BABAM2: variants seen among roughly 807,000 people sequenced by gnomAD.
BABAM2 encodes BRISC and BRCA1 A complex member 2, also known as BRISC and BRCA1-A complex member 2.
A neutral mutation model predicts 54.7 loss-of-function variants in BABAM2; 31 were observed. The ratio of observed to expected loss-of-function variants is 0.57; its 90% confidence interval spans 0.43 to 0.77. The LOEUF (loss-of-function observed/expected upper bound fraction) is 0.77, where lower values mean the gene tolerates loss of function less well. BABAM2 is among the 30% of genes least tolerant of loss of function. The pLI is 0.00. For missense variants in BABAM2, 364 were observed against 455.8 expected, an observed-to-expected ratio of 0.80 and a Z score of 1.83; for synonymous variants, 167 against 162.9, an observed-to-expected ratio of 1.03 and a Z score of -0.19.
chr2:28,254,337 A>G lies in BABAM2; in HGVS notation c.934+9475A>G, dbSNP rs187843891. 3.1e-3 allele frequency among the ~76,000 whole-genome samples: 465 copies of G among 152,200 alleles called. 5 individuals carry two copies. Among genetic ancestry groups the G allele is most frequent in the Non-Finnish European group, 4.7e-3 (323 of 68,012 alleles). On this transcript the variant is annotated intron_variant, in intron 10 of 11. Transcript: ENST00000379624. Reference sequence around the variant, plus strand: ...TTTTTTGTAGATACGGTGTTTGACTATGTTGGCCAGGCTGGTCTCGAACTC... The same window carrying G: ...TTTTTTGTAGATACGGTGTTTGACTGTGTTGGCCAGGCTGGTCTCGAACTC...
chr2:28,259,074 CTTT>C (rs70956009), intron 10 of BABAM2, among the ~76,000 whole-genome samples: 1 of 23,442 alleles, frequency 4.3e-5, no homozygotes, highest in African/African-American at 1.8e-4. Context: ...TGCACCTGGC[CTTT>C]TTTTTTTTTT....
At chr2:28,050,130 G>A (rs2148619506) in intron 6 of BABAM2, among the ~76,000 whole-genome samples, 1 of 152,322 alleles carries the variant, frequency 6.6e-6, no homozygotes, top group South Asian at 2.1e-4. Context: ...GATAATTTGG[G>A]ACTGGTGTTG....
chr2:28,123,333 G>A (rs1669237219), intron 6 of BABAM2, among the ~76,000 whole-genome samples: 1 of 152,166 alleles, frequency 6.6e-6, no homozygotes, highest in African/African-American at 2.4e-5. Flanking sequence ...TACCGTACGT[G>A]TGTCAGTGCC....
At chr2:28,072,240 T>A (rs1327809477) in intron 6 of BABAM2, among the ~76,000 whole-genome samples, 1 of 152,078 alleles carries the variant, frequency 6.6e-6, no homozygotes, top group African/African-American at 2.4e-5. Context: ...TGGCGCCATC[T>A]TGGCTTACTG....
chr2:28,302,192 G>C (rs951354829), intron 11 of BABAM2, among the ~76,000 whole-genome samples: 3 of 152,074 alleles, frequency 2.0e-5, no homozygotes, highest in Admixed American at 2.0e-4. Flanking sequence ...TGAAGCGGGC[G>C]GATCACCTGA....
At chr2:27,998,423 G>T (rs193024462) in intron 4 of BABAM2, among the ~76,000 whole-genome samples, 4 of 151,848 alleles carry the variant, frequency 2.6e-5, no homozygotes, top group African/African-American at 7.2e-5. Flanking sequence ...TTTTATTTCC[G>T]GTGTTTTTCT....
chr2:28,189,335 A>G (rs1470019987), intron 7 of BABAM2, among the ~76,000 whole-genome samples: 1 of 152,244 alleles, frequency 6.6e-6, no homozygotes, highest in Non-Finnish European at 1.5e-5. Context: ...ATGTACAAGA[A>G]AGAATTAAAG....
intron 3 of BABAM2, among the ~76,000 whole-genome samples, chr2:27,944,235 G>A (rs566991858): frequency 1.3e-5 from 2 of 152,196 alleles, no homozygotes; most frequent in East Asian, 3.9e-4. Flanking sequence ...TTGAGGTAGT[G>A]TAATTTACAT....
At chr2:28,084,782 C>T (rs771789661) in intron 6 of BABAM2, among the ~76,000 whole-genome samples, 3 of 152,076 alleles carry the variant, frequency 2.0e-5, no homozygotes, top group Non-Finnish European at 4.4e-5. Context: ...CCTGAGGAGC[C>T]CTTCTGCCTT....
chr2:28,143,828 T>C (rs1671268601), intron 7 of BABAM2, among the ~76,000 whole-genome samples: 1 of 152,166 alleles, frequency 6.6e-6, no homozygotes, highest in Admixed American at 6.6e-5. Flanking sequence ...GTTGCCCCCA[T>C]TTTATGGTGA....
At chr2:28,217,837 A>G (rs1680053183) in intron 7 of BABAM2, among the ~76,000 whole-genome samples, 1 of 152,230 alleles carries the variant, frequency 6.6e-6, no homozygotes, top group Admixed American at 6.5e-5. Flanking sequence ...ATTGAAAAAA[A>G]TCACCTAGCC....
chr2:28,035,162 CT>C (rs970930879), intron 5 of BABAM2, among the ~76,000 whole-genome samples: 3 of 152,012 alleles, frequency 2.0e-5, no homozygotes, highest in Admixed American at 6.6e-5. Context: ...TTTCACCTGT[CT>C]TTTTTTGCCT....
rs187488999 is a variant in BABAM2 at position 27,960,074 on chromosome 2, C to G, written c.206-27919C>G. Among the ~76,000 whole-genome samples the G allele has an allele frequency of 2.0e-5, 3 of 152,138 alleles. No homozygotes were observed. The East Asian group carries it at 5.8e-4, about 29-fold the overall frequency. On this transcript the variant is annotated intron_variant, in intron 3 of 11. Coordinates refer to ENST00000379624, the MANE Select transcript of BABAM2 (RefSeq NM_199191.3). The stretch of plus-strand genomic sequence containing the variant: ...CATCTTCTGTGGATTACTGGACTTG[C>G]TTTTGTTCATTGTTAGACTTATTGT...
chr2:28,157,565 C>T (rs1672665121), intron 7 of BABAM2, among the ~76,000 whole-genome samples: 1 of 152,174 alleles, frequency 6.6e-6, no homozygotes, highest in African/African-American at 2.4e-5. Context: ...GGCTACATAT[C>T]ATCAATCAAG....
intron 6 of BABAM2, among the ~76,000 whole-genome samples, chr2:28,070,862 C>G (rs147098570): frequency 1.3e-5 from 2 of 152,144 alleles, no homozygotes; most frequent in Non-Finnish European, 2.9e-5. Context: ...AAGATTTGTG[C>G]ACTTTAGTTT....
chr2:28,059,446 C>G (rs1558298058), intron 6 of BABAM2, among the ~76,000 whole-genome samples: 1 of 152,150 alleles, frequency 6.6e-6, no homozygotes, highest in Non-Finnish European at 1.5e-5. Context: ...CAGTTTGACT[C>G]TCTTGAAGCA....
chr2:28,115,030 TG>T (rs1668488588), intron 6 of BABAM2, among the ~76,000 whole-genome samples: 1 of 152,160 alleles, frequency 6.6e-6, no homozygotes, highest in Non-Finnish European at 1.5e-5. Context: ...CCTGTTTTTG[TG>T]GTAAGCACCA....
chr2:28,194,948 C>T (rs766385112), intron 7 of BABAM2, among the ~76,000 whole-genome samples: 6 of 152,062 alleles, frequency 3.9e-5, no homozygotes, highest in South Asian at 4.1e-4. Context: ...CACCTGCCTC[C>T]GCCTCCCAAA....
chr2:28,315,461 C>CTT (rs1180803141), intron 11 of BABAM2, among the ~76,000 whole-genome samples: 8 of 126,838 alleles, frequency 6.3e-5, no homozygotes, highest in African/African-American at 2.4e-4. Context: ...CTTTTCTTTT[C>CTT]TTTTCTTTTC....
Sources: allele counts gnomAD v4.1 joint callset (sites outside exome capture counted in the v4.1 genomes callset), GRCh38; gene constraint gnomAD v4.1.1; transcripts MANE v1.5; gene names NCBI Gene and HGNC (gene_info 2026-07-23, HGNC 2026-07-21).